The following DNM3 variants were observed in gnomAD, a reference collection of about 807,000 sequenced individuals.
DNM3 encodes the protein dynamin-3.
DNM3 carries 47 observed loss-of-function variants against 101.6 expected under a neutral mutation model. The observed-to-expected ratio is 0.46, with a 90% CI of 0.37 to 0.59. The LOEUF (loss-of-function observed/expected upper bound fraction) is 0.59. Ranked by LOEUF, DNM3 falls within the 20% of genes least tolerant of loss-of-function variation. DNM3 has a pLI of 0.00. For synonymous variants in DNM3, 385 were observed against 387.9 expected, an observed-to-expected ratio of 0.99 and a Z score of 0.09; for missense variants, 849 against 1,085.7, an observed-to-expected ratio of 0.78 and a Z score of 3.06.
intron 11 of DNM3, among the ~76,000 whole-genome samples, chr1:172,075,527 A>T (rs775318805): frequency 1.3e-5 from 2 of 152,212 alleles, no homozygotes; most frequent in Admixed American, 1.3e-4. Flanking sequence ...AGTCTTCTGC[A>T]TATGGCTAGC....
At chr1:172,113,873 C>A (rs913203081) in intron 13 of DNM3, among the ~76,000 whole-genome samples, 1 of 152,080 alleles carries the variant, frequency 6.6e-6, no homozygotes, top group Admixed American at 6.6e-5. Context: ...CTTAAATAAT[C>A]TGATGCAAAG....
intron 4 of DNM3, among the ~76,000 whole-genome samples, chr1:172,028,183 G>A (rs2048346967): frequency 6.6e-6 from 1 of 152,104 alleles, no homozygotes; most frequent in Admixed American, 6.6e-5. Context: ...ACACTCCTCA[G>A]CAAATGCAAA....
intron 12 of DNM3, among the ~76,000 whole-genome samples, chr1:172,085,749 TGAAG>T (rs987320140): frequency 6.6e-6 from 1 of 152,174 alleles, no homozygotes; most frequent in Non-Finnish European, 1.5e-5. Context: ...GCCGTTTTAC[TGAAG>T]GCAGTGCATT....
chr1:171,991,493 G>T (rs1310445828), intron 4 of DNM3, among the ~76,000 whole-genome samples: 1 of 152,074 alleles, frequency 6.6e-6, no homozygotes, highest in East Asian at 1.9e-4. Context: ...AGATGCATAG[G>T]GCAATGTATG....
At chr1:172,056,630 G>A (rs1467348772) in intron 10 of DNM3, among the ~76,000 whole-genome samples, 1 of 151,896 alleles carries the variant, frequency 6.6e-6, no homozygotes, top group African/African-American at 2.4e-5. Flanking sequence ...GCAGCTGAGG[G>A]TCCTGTCTGT....
intron 14 of DNM3, among the ~76,000 whole-genome samples, chr1:172,194,015 T>C (rs1472472784): frequency 1.3e-5 from 2 of 152,204 alleles, no homozygotes; most frequent in African/African-American, 4.8e-5. Context: ...TAAATTTCCC[T>C]CTACACACTG....
At chr1:172,363,301 A>T (rs9425576) in intron 17 of DNM3, among the ~76,000 whole-genome samples, 2 of 151,884 alleles carry the variant, frequency 1.3e-5, no homozygotes, top group African/African-American at 2.4e-5. Context: ...TTGCCACCAG[A>T]TATGTCCTTT....
chr1:172,329,011 T>C (rs1174329794), intron 17 of DNM3, among the ~76,000 whole-genome samples: 1 of 151,946 alleles, frequency 6.6e-6, no homozygotes, highest in African/African-American at 2.4e-5. Flanking sequence ...ATAAGCATTG[T>C]TTTGAAATTT....
intron 1 of DNM3, among the ~76,000 whole-genome samples, chr1:171,898,763 T>C (rs2125216509): frequency 6.6e-6 from 1 of 152,178 alleles, no homozygotes. Flanking sequence ...CTTTTTCACT[T>C]AATAGTAGAG....
Position 172,104,720 on chromosome 1 carries a change from G to A in DNM3, c.1545+11845G>A, listed in dbSNP as rs148967869. ...CTTCTACTGTATTTACATTTAGAAA[G>A]GTGGTACCTACCTTAAGAGCAGTTA... is the stretch of plus-strand genomic sequence containing the variant. On this transcript the variant is annotated intron_variant, in intron 13 of 20. Coordinates refer to ENST00000627582, the MANE Select transcript of DNM3 (RefSeq NM_015569.5). 1.4e-3 allele frequency among the ~76,000 whole-genome samples: 208 copies of A among 152,198 alleles called. 1 individual carries two copies. The highest frequency in any genetic ancestry group is 4.6e-3 in the African/African-American group (193 of 41,524).
intron 14 of DNM3, among the ~76,000 whole-genome samples, chr1:172,175,843 C>T (rs2059136984): frequency 6.6e-6 from 1 of 151,638 alleles, no homozygotes; most frequent in African/African-American, 2.4e-5. Flanking sequence ...TGGACAGGTC[C>T]AGCTAAAAGG....
chr1:171,921,833 A>T lies in DNM3; in HGVS notation c.235+12A>T. 6.3e-7 allele frequency: 1 copy of T among 1,591,040 alleles called. No individual in the cohort carries two copies. Among genetic ancestry groups the T allele is most frequent in the Non-Finnish European group, 8.6e-7 (1 of 1,167,404 alleles). The stretch of plus-strand genomic sequence containing the variant: ...TACTTCTAAAGCAGGTAATGAATGA[A>T]GATGTTTACCGCATGGATGGGCACA... On this transcript the variant is annotated intron_variant, in intron 2 of 20. Transcript: ENST00000627582.
intron 14 of DNM3, among the ~76,000 whole-genome samples, chr1:172,149,911 A>C (rs181650986): frequency 6.6e-6 from 1 of 152,264 alleles, no homozygotes; most frequent in Admixed American, 6.5e-5. Flanking sequence ...CATGTGTGTG[A>C]AGGGAAGCTT....
chr1:171,942,542 C>T (rs2041888246), intron 2 of DNM3, among the ~76,000 whole-genome samples: 1 of 152,020 alleles, frequency 6.6e-6, no homozygotes. Context: ...ATTCATTTCA[C>T]AAATATTTAT....
chr1:172,361,601 G>A (rs2067744408), intron 17 of DNM3, among the ~76,000 whole-genome samples: 1 of 151,816 alleles, frequency 6.6e-6, no homozygotes, highest in Non-Finnish European at 1.5e-5. Context: ...AATATTTGAG[G>A]GTGGAGCCCA....
At chr1:172,142,950 C>A (rs1353968982) in intron 14 of DNM3, among the ~76,000 whole-genome samples, 3 of 151,826 alleles carry the variant, frequency 2.0e-5, no homozygotes, top group Non-Finnish European at 2.9e-5. Context: ...TAATATGGAA[C>A]TCTCCAAGTC....
intron 2 of DNM3, among the ~76,000 whole-genome samples, chr1:171,945,533 T>TA (rs1373790863): frequency 6.6e-6 from 1 of 152,228 alleles, no homozygotes; most frequent in Non-Finnish European, 1.5e-5. Context: ...TCAAAAATTT[T>TA]AAATCCATTA....
intron 14 of DNM3, among the ~76,000 whole-genome samples, chr1:172,223,262 T>C (rs1304421021): frequency 7.3e-5 from 11 of 150,720 alleles, no homozygotes; most frequent in Admixed American, 2.0e-4. Context: ...ATCAGTTTCT[T>C]TTTTCTTTTC....
At chr1:171,921,882 T>C in intron 2 of DNM3, 61 bp downstream of exon 2, 2 of 1,464,378 alleles carry the variant, frequency 1.4e-6, no homozygotes, top group Non-Finnish European at 1.9e-6. Flanking sequence ...TTTGCCTTCA[T>C]AGGTGTGGGA....
Sources: gnomAD v4.1 joint callset for allele counts (sites outside exome capture counted in the v4.1 genomes callset) on GRCh38, gnomAD v4.1.1 for gene constraint, MANE v1.5 for transcripts, NCBI Gene and HGNC (gene_info 2026-07-23, HGNC 2026-07-21) for gene names.